The following ALK variants were observed in gnomAD, a reference collection of about 807,000 sequenced individuals.
ALK encodes ALK tyrosine kinase receptor.
A neutral mutation model predicts 163.1 loss-of-function variants in ALK; 74 were observed. The ratio of observed to expected loss-of-function variants is 0.45; its 90% CI spans 0.38 to 0.55. ALK has a LOEUF of 0.55. Ranked by LOEUF, ALK falls within the 20% of genes least tolerant of loss-of-function variation. The probability of loss-of-function intolerance (pLI) is 0.00; values close to 1 mark genes in which losing one functional copy is unlikely to be tolerated. For synonymous variants in ALK, 960 were observed against 843.2 expected, an observed-to-expected ratio of 1.14 and a Z score of -2.40; for missense variants, 2,063 against 2,105.3, an observed-to-expected ratio of 0.98 and a Z score of 0.39.
chr2:29,243,787 T>G (rs1246167155), intron 12 of ALK, among the ~76,000 whole-genome samples: 1 of 152,214 alleles, frequency 6.6e-6, no homozygotes, highest in Non-Finnish European at 1.5e-5. Flanking sequence ...TTCTGATGGT[T>G]GAGAAACAAC....
intron 1 of ALK, among the ~76,000 whole-genome samples, chr2:29,791,409 C>T (rs1310446065): frequency 6.6e-6 from 1 of 152,124 alleles, no homozygotes; most frequent in Admixed American, 6.5e-5. Flanking sequence ...TGTTCTCACT[C>T]ATAAGTGGGA....
intron 3 of ALK, among the ~76,000 whole-genome samples, chr2:29,594,894 T>TGGG (rs1170679687): frequency 6.3e-4 from 13 of 20,626 alleles, no homozygotes; most frequent in Non-Finnish European, 7.7e-4. Context: ...TAAACAAAAA[T>TGGG]GGGGGGTGGG....
chr2:29,577,511 G>A (rs1005776429), intron 3 of ALK, among the ~76,000 whole-genome samples: 1 of 152,126 alleles, frequency 6.6e-6, no homozygotes, highest in African/African-American at 2.4e-5. Context: ...GAAGGGATGG[G>A]ACCGGTAAGT....
At chr2:29,308,661 A>G (rs1430218712) in intron 8 of ALK, among the ~76,000 whole-genome samples, 1 of 152,236 alleles carries the variant, frequency 6.6e-6, no homozygotes, top group African/African-American at 2.4e-5. Flanking sequence ...GTAATATCTC[A>G]GAGCTTCAGC....
chr2:29,643,757 G>A lies in ALK; in HGVS notation c.952+51093C>T, dbSNP rs138991999. ...ATCTAGTAGTTTCCCAACAGGTGATGGAGAGGATGTGGAGAAACAGGAACA... is the reference window on the plus strand; with the variant it reads ...ATCTAGTAGTTTCCCAACAGGTGATAGAGAGGATGTGGAGAAACAGGAACA... On this transcript the variant is annotated intron_variant, in intron 3 of 28. Transcript: ENST00000389048. Among the ~76,000 whole-genome samples the A allele has an allele frequency of 4.7e-3, 719 of 152,294 alleles. 5 individuals are homozygous for A. The highest frequency in any genetic ancestry group is 0.016 in the African/African-American group (671 of 41,570).
At chr2:29,196,729 C>T (rs2148141604) in intron 28 of ALK, 41 bp downstream of exon 28, 1 of 1,441,146 alleles carries the variant, frequency 6.9e-7, no homozygotes. Context: ...AAGACTGTTT[C>T]ATATAGAGTA....
At chr2:29,895,323 T>A (rs970369692) in intron 1 of ALK, among the ~76,000 whole-genome samples, 1 of 152,200 alleles carries the variant, frequency 6.6e-6, no homozygotes, top group African/African-American at 2.4e-5. Flanking sequence ...TGGGATTCCA[T>A]TAGAAAGTCT....
At chr2:29,327,885 G>C (rs762987741) in intron 6 of ALK, among the ~76,000 whole-genome samples, 8 of 152,096 alleles carry the variant, frequency 5.3e-5, no homozygotes, top group Non-Finnish European at 1.0e-4. Context: ...GATGTGACTC[G>C]AGAAAGGAAA....
intron 8 of ALK, among the ~76,000 whole-genome samples, chr2:29,312,331 C>T (rs4666199): frequency 0.49 from 75,011 of 151,708 alleles, 19,834 homozygotes; most frequent in East Asian, 0.79. Context: ...CTCCTGACAG[C>T]CCTGGAGAGG....
chr2:29,386,001 T>C (rs1669023379), intron 4 of ALK, among the ~76,000 whole-genome samples: 1 of 152,238 alleles, frequency 6.6e-6, no homozygotes, highest in Admixed American at 6.5e-5. Flanking sequence ...CATTTCTGCA[T>C]GCGCTTGCTA....
At chr2:29,795,750 G>A (rs13014277) in intron 1 of ALK, among the ~76,000 whole-genome samples, 89,545 of 152,042 alleles carry the variant, frequency 0.59, 31,505 homozygotes, top group Non-Finnish European at 0.79. Flanking sequence ...CACAAAGACT[G>A]ATTTAAAAAT....
At chr2:29,624,623 A>G (rs888109005) in intron 3 of ALK, among the ~76,000 whole-genome samples, 2 of 152,186 alleles carry the variant, frequency 1.3e-5, no homozygotes, top group African/African-American at 4.8e-5. Context: ...GAGCATCAGG[A>G]AGAATAGCTA....
intron 1 of ALK, among the ~76,000 whole-genome samples, chr2:29,835,420 T>C (rs996463677): frequency 2.6e-5 from 4 of 152,220 alleles, no homozygotes; most frequent in African/African-American, 4.8e-5. Context: ...CAAGAAACGA[T>C]GTGTCTTCCC....
At chr2:29,415,378 TA>T (rs1338891567) in intron 4 of ALK, among the ~76,000 whole-genome samples, 1 of 152,098 alleles carries the variant, frequency 6.6e-6, no homozygotes, top group Non-Finnish European at 1.5e-5. Flanking sequence ...ATTAGTTTTC[TA>T]CTGTACCCCC....
chr2:29,192,986 G>A lies in ALK; in HGVS notation c.*238C>T, dbSNP rs1378801953. Reference sequence around the variant, plus strand: ...TAAAAACCTTATGCAACCACATCTGGGCCTTGTATTTATCACTCATTTTTA... The same window carrying A: ...TAAAAACCTTATGCAACCACATCTGAGCCTTGTATTTATCACTCATTTTTA... On this transcript the variant is annotated 3_prime_UTR_variant, in exon 29 of 29. Transcript: ENST00000389048. The A allele has an allele frequency of 1.8e-6, 1 of 547,264 alleles. No individual in the cohort carries two copies. Among genetic ancestry groups the A allele is most frequent in the African/African-American group, 1.9e-5 (1 of 53,002 alleles). 33.9% of individuals were successfully genotyped at this position (547,264 alleles called of 1,614,324 possible).
chr2:29,403,781 G>GTATGCTTGT (rs1669510665), intron 4 of ALK, among the ~76,000 whole-genome samples: 1 of 146,592 alleles, frequency 6.8e-6, no homozygotes, highest in Admixed American at 6.8e-5. Context: ...GCATGATAGT[G>GTATGCTTGT]TATGCTTGTA....
Position 29,731,638 on chromosome 2 carries a change from G to A in ALK, c.668-13941C>T, listed in dbSNP as rs2541193. Among the ~76,000 whole-genome samples the A allele has an allele frequency of 3.1e-3, 471 of 152,286 alleles. 1 individual carries two copies. The highest frequency in any genetic ancestry group is 4.0e-3 in the Non-Finnish European group (271 of 68,022). On this transcript the variant is annotated intron_variant, in intron 1 of 28. Transcript: ENST00000389048. The stretch of plus-strand genomic sequence containing the variant: ...TTAGATACAGGTAGGTCACACTCAG[G>A]CAGCACTTACACAACATTAAACCTC...
At position 29,613,831 on chromosome 2, in the gene ALK, T is replaced by G. The variant is rs548337954; in HGVS notation, c.952+81019A>C. Reference sequence around the variant, plus strand: ...TTTCTCCTGCCCTGTGGTAACCAGGTTACTTAGCTTTGCAGATTCAGCTGG... The same window carrying G: ...TTTCTCCTGCCCTGTGGTAACCAGGGTACTTAGCTTTGCAGATTCAGCTGG... On this transcript the variant is annotated intron_variant, in intron 3 of 28. Coordinates refer to ENST00000389048, the MANE Select transcript of ALK (RefSeq NM_004304.5). Among the ~76,000 whole-genome samples the G allele has an allele frequency of 2.0e-5, 3 of 152,322 alleles. No individual in the cohort carries two copies. In the South Asian group the frequency reaches 6.2e-4, roughly 32 times the overall value.
intron 3 of ALK, among the ~76,000 whole-genome samples, chr2:29,577,653 G>A (rs1209588532): frequency 2.0e-5 from 3 of 152,162 alleles, no homozygotes; most frequent in Non-Finnish European, 4.4e-5. Flanking sequence ...CTTCTAGCAA[G>A]TGCAACCTCC....
Sources: allele counts gnomAD v4.1 joint callset (sites outside exome capture counted in the v4.1 genomes callset), GRCh38; gene constraint gnomAD v4.1.1; transcripts MANE v1.5; gene names NCBI Gene and HGNC (gene_info 2026-07-23, HGNC 2026-07-21).